SEMA6A: variants seen among roughly 807,000 people sequenced by gnomAD.
SEMA6A encodes the protein semaphorin 6A.
In SEMA6A, 25 loss-of-function variants were observed where a neutral mutation model predicts 96.8. That is an observed-to-expected ratio of 0.26 (90% CI 0.19 to 0.36). The LOEUF (loss-of-function observed/expected upper bound fraction) is 0.36. SEMA6A is among the 10% of genes least tolerant of loss of function. SEMA6A has a pLI of 1.00. For synonymous variants in SEMA6A, 612 were observed against 518.0 expected, an observed-to-expected ratio of 1.18 and a Z score of -2.46; for missense variants, 1,363 against 1,323.1, an observed-to-expected ratio of 1.03 and a Z score of -0.47.
chr5:116,562,878 C>T (rs1476582594), intron 1 of SEMA6A: 3 of 627,760 alleles, frequency 4.8e-6, no homozygotes, highest in Admixed American at 3.9e-5. Context: ...AGGACAAAGA[C>T]TCCTGGACCT....
rs796189667 is a variant in SEMA6A at position 116,574,379 on chromosome 5, G to A, written c.-233C>T. The A allele has an allele frequency of 2.6e-5, 4 of 152,194 alleles. No homozygotes were observed. Among genetic ancestry groups the A allele is most frequent in the African/African-American group, 9.7e-5 (4 of 41,376 alleles). 9.4% of individuals were successfully genotyped at this position (152,194 alleles called of 1,614,324 possible). A position where few individuals can be genotyped will look rare whatever the true frequency, so the allele number is the denominator to read the frequency against. ...AGTCGCGGCGACTACTTTCTGGGAT[G>A]CAAACGCGATGTGTTCATCTCCAAT... On this transcript the variant is annotated 5_prime_UTR_variant, in exon 1 of 19. Coordinates refer to ENST00000343348, the MANE Select transcript of SEMA6A (RefSeq NM_020796.5).
At chr5:116,529,725 C>T (rs1454367275) in intron 1 of SEMA6A, among the ~76,000 whole-genome samples, 1 of 152,010 alleles carries the variant, frequency 6.6e-6, no homozygotes, top group Non-Finnish European at 1.5e-5. Context: ...TAGCTGAAGG[C>T]AAACTAACAC....
At chr5:116,477,764 G>T in intron 15 of SEMA6A, 82 bp downstream of exon 15, 1 of 1,347,382 alleles carries the variant, frequency 7.4e-7, no homozygotes, top group African/African-American at 1.4e-5. Flanking sequence ...GTGGTGGTGT[G>T]TGTGAGCAGA....
chr5:116,552,498 T>C (rs1580508539), intron 1 of SEMA6A, among the ~76,000 whole-genome samples: 2 of 152,150 alleles, frequency 1.3e-5, no homozygotes, highest in Non-Finnish European at 2.9e-5. Context: ...CAACTGATGA[T>C]TTGCTAATAA....
intron 18 of SEMA6A, among the ~76,000 whole-genome samples, chr5:116,460,781 C>A: frequency 9.4e-6 from 1 of 106,142 alleles, no homozygotes. Context: ...AATTGTTAAT[C>A]TCTTTTTTTT....
intron 18 of SEMA6A, among the ~76,000 whole-genome samples, chr5:116,461,440 A>G (rs2112626282): frequency 6.6e-6 from 1 of 152,022 alleles, no homozygotes; most frequent in East Asian, 1.9e-4. Context: ...TAATAAAAGG[A>G]ATGCAAATTA....
At chr5:116,545,248 A>G (rs1760136710) in intron 1 of SEMA6A, among the ~76,000 whole-genome samples, 1 of 152,208 alleles carries the variant, frequency 6.6e-6, no homozygotes, top group Admixed American at 6.5e-5. Context: ...AGGACACAGT[A>G]GCAGGGACAA....
chr5:116,520,626 C>T (rs1293522955), intron 1 of SEMA6A, among the ~76,000 whole-genome samples: 2 of 152,064 alleles, frequency 1.3e-5, no homozygotes, highest in African/African-American at 4.8e-5. Context: ...TGGGTAGAAA[C>T]TATAAAGATG....
At chr5:116,567,759 G>A (rs979708067) in intron 1 of SEMA6A, among the ~76,000 whole-genome samples, 10 of 152,040 alleles carry the variant, frequency 6.6e-5, no homozygotes, top group African/African-American at 1.9e-4. Context: ...TTAACCTCAC[G>A]CCACAAGATC....
intron 1 of SEMA6A, among the ~76,000 whole-genome samples, chr5:116,523,567 C>A (rs1032425268): frequency 6.6e-6 from 1 of 152,154 alleles, no homozygotes; most frequent in Non-Finnish European, 1.5e-5. Flanking sequence ...CCGCCTCAGT[C>A]TCCCAAAGTG....
chr5:116,479,154 C>T (rs1463616629), intron 12 of SEMA6A, among the ~76,000 whole-genome samples: 3 of 152,268 alleles, frequency 2.0e-5, no homozygotes, highest in African/African-American at 2.4e-5. Flanking sequence ...AGATACAAGG[C>T]CTTCATCAAC....
Position 116,574,328 on chromosome 5 carries a change from T to C in SEMA6A, c.-182A>G, listed in dbSNP as rs574288918. ...TTCGCAAGCCTTTGTCATTCCTACA[T>C]GTGTGCTTGTCTCTTTGGGGGAAAT... On this transcript the variant is annotated 5_prime_UTR_variant, in exon 1 of 19. The change abolishes an upstream ATG in the 5' untranslated region. Transcript: ENST00000343348. The C allele has an allele frequency of 6.6e-6, 1 of 151,464 alleles. No homozygotes were observed. The highest frequency in any genetic ancestry group is 2.1e-4 in the South Asian group (1 of 4,786). The allele number at this position is 151,464 out of a possible 1,614,324, so 9.4% of individuals were successfully genotyped here.
At chr5:116,506,502 T>C (rs905045929) in intron 1 of SEMA6A, among the ~76,000 whole-genome samples, 2 of 152,196 alleles carry the variant, frequency 1.3e-5, no homozygotes, top group Non-Finnish European at 2.9e-5. Context: ...CATTCATTTA[T>C]TTGCCAGTTC....
chr5:116,497,682 G>A (rs1757666963), intron 3 of SEMA6A, among the ~76,000 whole-genome samples: 1 of 152,170 alleles, frequency 6.6e-6, no homozygotes, highest in South Asian at 2.1e-4. Context: ...CAGAAGGGAG[G>A]GCTCTGAAAG....
chr5:116,464,506 G>A (rs1388248724), intron 18 of SEMA6A, among the ~76,000 whole-genome samples: 1 of 152,144 alleles, frequency 6.6e-6, no homozygotes, highest in Non-Finnish European at 1.5e-5. Flanking sequence ...TGCTGTGCAG[G>A]TCTCTTCTCA....
intron 18 of SEMA6A, among the ~76,000 whole-genome samples, chr5:116,458,153 G>A (rs915377425): frequency 6.6e-6 from 1 of 152,082 alleles, no homozygotes; most frequent in Non-Finnish European, 1.5e-5. Flanking sequence ...GAGACAAAGC[G>A]GATATTATTT....
intron 1 of SEMA6A, among the ~76,000 whole-genome samples, chr5:116,511,514 T>C (rs72812713): frequency 0.14 from 21,704 of 152,094 alleles, 1,878 homozygotes; most frequent in East Asian, 0.28. Context: ...AGAAGAAAGG[T>C]TGGAAAGAGA....
intron 10 of SEMA6A, among the ~76,000 whole-genome samples, chr5:116,484,758 G>A (rs1035658123): frequency 1.3e-5 from 2 of 152,158 alleles, no homozygotes; most frequent in African/African-American, 2.4e-5. Flanking sequence ...TGAAGTACCC[G>A]CAGGGTTTTA....
At position 116,446,075 on chromosome 5, in the gene SEMA6A, T is replaced by TA. The variant is rs1754158307; in HGVS notation, c.*537dup. 6.5e-6 allele frequency: 1 copy of TA among 152,778 alleles called. No individual in the cohort carries two copies. Among genetic ancestry groups the TA allele is most frequent in the Non-Finnish European group, 1.5e-5 (1 of 68,142 alleles). The allele number at this position is 152,778 out of a possible 1,614,324, so 9.5% of individuals were successfully genotyped here. On this transcript the variant is annotated 3_prime_UTR_variant, in exon 19 of 19. Coordinates refer to ENST00000343348, the MANE Select transcript of SEMA6A (RefSeq NM_020796.5). ...GCGCATAGTAAACTTCTGCCATTGTTAAAGTCTGAGTTAGAATTATCAATG... is the reference window on the plus strand; with the variant it reads ...GCGCATAGTAAACTTCTGCCATTGTTAAAAGTCTGAGTTAGAATTATCAATG...
Sources: allele counts gnomAD v4.1 joint callset (sites outside exome capture counted in the v4.1 genomes callset), GRCh38; gene constraint gnomAD v4.1.1; transcripts MANE v1.5; gene names NCBI Gene and HGNC (gene_info 2026-07-23, HGNC 2026-07-21).